The following TMPRSS9 variants were observed in gnomAD, a reference collection of about 807,000 sequenced individuals.
TMPRSS9 encodes transmembrane serine protease 9.
A neutral mutation model predicts 111.4 loss-of-function variants in TMPRSS9; 113 were observed. The observed-to-expected ratio is 1.01, with a 90% CI of 0.87 to 1.19. The LOEUF is 1.19. Ranked by LOEUF, TMPRSS9 falls within the 50% of genes most tolerant of loss-of-function variation. The pLI, the probability that TMPRSS9 is intolerant of heterozygous loss-of-function variation, is 0.00. For synonymous variants in TMPRSS9, 805 were observed against 659.1 expected (o/e 1.22, Z -3.39); for missense variants, 1,803 against 1,513.1 (o/e 1.19, Z -3.18).
At chr19:2,407,607 T>TTCTTTTCTTTTC (rs1369603014) in intron 7 of TMPRSS9, among the ~76,000 whole-genome samples, 1 of 125,934 alleles carries the variant, frequency 7.9e-6, no homozygotes, top group African/African-American at 3.2e-5. Flanking sequence ...TCTTTTCTTT[T>TTCTTTTCTTTTC]CTTTTTTTTT....
At chr19:2,404,502 C>T (rs1462701637) in intron 6 of TMPRSS9, among the ~76,000 whole-genome samples, 1 of 149,970 alleles carries the variant, frequency 6.7e-6, no homozygotes, top group Non-Finnish European at 1.5e-5. Context: ...AAGATCACGC[C>T]ACTGTACTCC....
chr19:2,406,135 C>G (rs933366557), intron 7 of TMPRSS9, among the ~76,000 whole-genome samples: 18 of 150,190 alleles, frequency 1.2e-4, no homozygotes, highest in African/African-American at 4.4e-4. Context: ...CTCAGCCTCC[C>G]GAGTAGCTGG....
chr19:2,410,107 T>C (rs2396238), intron 8 of TMPRSS9, 151 bp from the exon 10 acceptor site: 73,871 of 1,113,638 alleles, frequency 0.066, 4,478 homozygotes, highest in East Asian at 0.3. Flanking sequence ...TTACCTTTTG[T>C]AGTTTCAGAG....
At chr19:2,426,102 G>A (rs776526843) in exon 18 of TMPRSS9, 10 of 1,541,870 alleles carry the variant, frequency 6.5e-6, no homozygotes, top group East Asian at 5.2e-5. Flanking sequence ...CCACGTGACT[G>A]CCCAGGCCGA....
At chr19:2,424,135 C>T (rs1222211679) in exon 15 of TMPRSS9, 4 of 1,411,040 alleles carry the variant, frequency 2.8e-6, no homozygotes, top group Non-Finnish European at 3.7e-6. Context: ...TGGGCGGCAG[C>T]GCAGCGGGCC....
At chr19:2,397,912 T>TC (rs1970743614) in intron 2 of TMPRSS9, among the ~76,000 whole-genome samples, 1 of 140,206 alleles carries the variant, frequency 7.1e-6, no homozygotes, top group Non-Finnish European at 1.5e-5. Flanking sequence ...CGAGTGAGAC[T>TC]CCATCTTAAA....
chr19:2,425,827 A>AG (rs1272613960), intron 17 of TMPRSS9, 100 bp from the exon 19 acceptor site: 14 of 1,441,330 alleles, frequency 9.7e-6, no homozygotes, highest in South Asian at 5.8e-5. Flanking sequence ...TGCGGCTCCC[A>AG]GGGGAAGTCA....
chr19:2,413,370 G>GC lies in TMPRSS9; in HGVS notation c.1255-328dup, dbSNP rs778077719. 1.2e-4 allele frequency among the ~76,000 whole-genome samples: 18 copies of GC among 152,292 alleles called. No homozygotes were observed. In the East Asian group the frequency reaches 3.1e-3, roughly 26 times the overall value. On this transcript the variant is annotated intron_variant, in intron 9 of 17. Coordinates refer to ENST00000648592, the Ensembl canonical transcript of TMPRSS9. ...CACCCGCGTGGCAGCCATACTGCCA[G>GC]CCTAAGCAAGTGGTGACATTATCAA...
At chr19:2,387,419 T>G (rs2116961), upstream of TMPRSS9, among the ~76,000 whole-genome samples, 1 of 151,774 alleles carries the variant, frequency 6.6e-6, no homozygotes, top group Non-Finnish European at 1.5e-5. Flanking sequence ...CGCTTGAACC[T>G]GGGAGGCAGA....
chr19:2,391,237 C>CAAAAAAAAAAAAAAAA (rs10650164), intron 1 of TMPRSS9, among the ~76,000 whole-genome samples: 7 of 53,018 alleles, frequency 1.3e-4, no homozygotes, highest in African/African-American at 6.7e-4. Context: ...AATTCCATCT[C>CAAAAAAAAAAAAAAAA]AAAAAAAAAA....
At chr19:2,363,161 G>A (rs895082487) in intron 1 of TMPRSS9, among the ~76,000 whole-genome samples, 2 of 152,212 alleles carry the variant, frequency 1.3e-5, no homozygotes, top group Non-Finnish European at 2.9e-5. Context: ...GGGACCATGT[G>A]GCCCACTGCG....
At chr19:2,379,683 T>C (rs1446940273) in intron 1 of TMPRSS9, among the ~76,000 whole-genome samples, 5 of 146,246 alleles carry the variant, frequency 3.4e-5, no homozygotes, top group African/African-American at 7.5e-5. Context: ...CTTTCTCTTT[T>C]TCTTTCTTTC....
At chr19:2,399,259 T>C (rs1169536693) in intron 4 of TMPRSS9, 66 bp downstream of exon 5, 1 of 1,499,922 alleles carries the variant, frequency 6.7e-7, no homozygotes, top group Non-Finnish European at 8.9e-7. Flanking sequence ...AGCTGCAAGA[T>C]ACATTTTGAT....
At chr19:2,421,291 ATTTAT>A (rs1971456986) in intron 13 of TMPRSS9, among the ~76,000 whole-genome samples, 1 of 149,018 alleles carries the variant, frequency 6.7e-6, no homozygotes, top group African/African-American at 2.5e-5. Context: ...GTTGTTATTT[ATTTAT>A]TTTTTTTTTT....
chr19:2,361,358 A>G (rs988560773), intron 1 of TMPRSS9, among the ~76,000 whole-genome samples: 2 of 13,090 alleles, frequency 1.5e-4, no homozygotes, highest in Non-Finnish European at 2.8e-4. Context: ...GTGGGAGGTG[A>G]GTCTGGGGTG....
At chr19:2,411,299 C>CA (rs771305642) in intron 9 of TMPRSS9, among the ~76,000 whole-genome samples, 782 of 32,294 alleles carry the variant, frequency 0.024, 60 homozygotes, top group East Asian at 0.044. Context: ...GACTCTGTCT[C>CA]AAAAAAAAAA....
At chr19:2,415,820 C>G (rs749027346) in exon 11 of TMPRSS9, 2 of 1,597,566 alleles carry the variant, frequency 1.3e-6, no homozygotes. Context: ...TGGCTGCTGT[C>G]TGCCGCCCAC....
chr19:2,401,943 A>G, intron 4 of TMPRSS9, 32 bp from the exon 6 acceptor site: 1 of 1,603,616 alleles, frequency 6.2e-7, no homozygotes, highest in Non-Finnish European at 8.5e-7. Context: ...CCGCTTATTC[A>G]GTGAGCTTCT....
At chr19:2,407,382 C>T (rs907486181) in intron 7 of TMPRSS9, among the ~76,000 whole-genome samples, 2 of 151,352 alleles carry the variant, frequency 1.3e-5, no homozygotes, top group Admixed American at 6.6e-5. Flanking sequence ...AAAAATTAGT[C>T]GGGCATAGGG....
Sources: gnomAD v4.1 joint callset for allele counts (sites outside exome capture counted in the v4.1 genomes callset) on GRCh38, gnomAD v4.1.1 for gene constraint, MANE v1.5 for transcripts, NCBI Gene and HGNC (gene_info 2026-07-23, HGNC 2026-07-21) for gene names.